The following PTH2R variants were observed in gnomAD, a reference collection of about 807,000 sequenced individuals.
The protein encoded by PTH2R is parathyroid hormone 2 receptor, also known as PTH2 receptor.
In PTH2R, 59 loss-of-function variants were observed where a neutral mutation model predicts 60.3. That is an observed-to-expected ratio of 0.98 (90% confidence interval 0.79 to 1.22). The LOEUF (loss-of-function observed/expected upper bound fraction) is 1.22. PTH2R is among the 50% of genes most tolerant of loss of function. PTH2R has a pLI of 0.00. For missense variants in PTH2R, 749 were observed against 682.6 expected, an observed-to-expected ratio of 1.10 and a Z score of -1.08; for synonymous variants, 256 against 243.8, an observed-to-expected ratio of 1.05 and a Z score of -0.47.
intron 12 of PTH2R, among the ~76,000 whole-genome samples, chr2:208,492,232 C>G (rs191360005): frequency 5.3e-5 from 8 of 152,176 alleles, no homozygotes; most frequent in Admixed American, 6.5e-5. Context: ...TTTAGGCTGC[C>G]GATGCAGATT....
chr2:208,448,765 T>C (rs892497377), intron 7 of PTH2R, among the ~76,000 whole-genome samples: 1 of 151,692 alleles, frequency 6.6e-6, no homozygotes. Flanking sequence ...TTTGCCTTTA[T>C]TTCTGTGTTC....
At chr2:208,385,632 G>A (rs952884924) in intron 1 of PTH2R, among the ~76,000 whole-genome samples, 3 of 152,168 alleles carry the variant, frequency 2.0e-5, no homozygotes, top group Non-Finnish European at 4.4e-5. Flanking sequence ...CATCTTTTTT[G>A]TAGTGGTCCA....
intron 1 of PTH2R, among the ~76,000 whole-genome samples, chr2:208,408,181 T>A (rs946473069): frequency 8.5e-5 from 13 of 152,224 alleles, no homozygotes; most frequent in Non-Finnish European, 7.3e-5. Context: ...TTTATTTTGT[T>A]AATAAATAAA....
intron 1 of PTH2R, among the ~76,000 whole-genome samples, chr2:208,369,034 G>T (rs572328092): frequency 6.6e-6 from 1 of 151,352 alleles, no homozygotes; most frequent in Non-Finnish European, 1.5e-5. Context: ...TAATATTCCT[G>T]GTTTGTAGGA....
chr2:208,486,280 C>A (rs941279634), intron 10 of PTH2R, among the ~76,000 whole-genome samples: 7 of 152,146 alleles, frequency 4.6e-5, no homozygotes, highest in Admixed American at 6.6e-5. Flanking sequence ...AATAAACAAA[C>A]TTCTATCTCC....
At chr2:208,426,544 G>A (rs1213854070) in intron 1 of PTH2R, among the ~76,000 whole-genome samples, 1 of 152,166 alleles carries the variant, frequency 6.6e-6, no homozygotes, top group Non-Finnish European at 1.5e-5. Flanking sequence ...ATCTCATCCT[G>A]AATTGTAATC....
chr2:208,492,032 G>T (rs1051598839), intron 12 of PTH2R, among the ~76,000 whole-genome samples: 12 of 152,180 alleles, frequency 7.9e-5, no homozygotes, highest in African/African-American at 2.9e-4. Context: ...GTTGTTTCAG[G>T]TGACATCAGC....
chr2:208,477,326 G>C (rs1703027265), intron 9 of PTH2R, among the ~76,000 whole-genome samples: 2 of 152,140 alleles, frequency 1.3e-5, no homozygotes, highest in African/African-American at 4.8e-5. Context: ...TGAGTGGAGA[G>C]AGTAAACGAT....
intron 4 of PTH2R, 70 bp from the exon 5 acceptor site, chr2:208,442,294 C>A (rs906878986): frequency 2.8e-6 from 3 of 1,089,528 alleles, no homozygotes; most frequent in East Asian, 2.4e-5. Context: ...CCAAAAATGA[C>A]ATACTATTTC....
At chr2:208,485,137 G>T (rs563819181) in intron 10 of PTH2R, among the ~76,000 whole-genome samples, 12 of 152,286 alleles carry the variant, frequency 7.9e-5, no homozygotes, top group African/African-American at 2.4e-4. Context: ...ATCAAGAAAG[G>T]CTTAAGAGCA....
At chr2:208,395,060 T>A (rs560920738) in intron 1 of PTH2R, among the ~76,000 whole-genome samples, 89 of 152,034 alleles carry the variant, frequency 5.9e-4, no homozygotes, top group African/African-American at 1.8e-3. Context: ...TTTTATTTTT[T>A]TTTTTGAGAT....
At chr2:208,412,568 A>G (rs1437770139) in intron 1 of PTH2R, among the ~76,000 whole-genome samples, 1 of 152,214 alleles carries the variant, frequency 6.6e-6, no homozygotes, top group South Asian at 2.1e-4. Context: ...TAGAGCTGCC[A>G]TAGAATAGCC....
At chr2:208,433,247 G>A (rs1021375723) in intron 2 of PTH2R, among the ~76,000 whole-genome samples, 4 of 152,282 alleles carry the variant, frequency 2.6e-5, no homozygotes, top group Admixed American at 6.5e-5. Context: ...CTTCGAGATC[G>A]TTATTTGCAT....
At chr2:208,477,927 A>C (rs1294598128) in intron 9 of PTH2R, among the ~76,000 whole-genome samples, 1 of 146,370 alleles carries the variant, frequency 6.8e-6, no homozygotes, top group African/African-American at 2.5e-5. Flanking sequence ...TACTACTAGT[A>C]CTAGCACTAC....
At chr2:208,450,859 T>C (rs762406158) in intron 8 of PTH2R, 50 bp downstream of exon 8, 4 of 1,573,240 alleles carry the variant, frequency 2.5e-6, no homozygotes, top group Non-Finnish European at 3.5e-6. Flanking sequence ...TTCTCAAGAC[T>C]CAGGCTTCCT....
intron 2 of PTH2R, among the ~76,000 whole-genome samples, chr2:208,435,755 G>C (rs1332703478): frequency 6.6e-6 from 1 of 152,230 alleles, no homozygotes; most frequent in African/African-American, 2.4e-5. Flanking sequence ...CCCAGCCCTT[G>C]ATTTTGGCCT....
chr2:208,397,042 A>G (rs1701223063), intron 1 of PTH2R, among the ~76,000 whole-genome samples: 1 of 152,186 alleles, frequency 6.6e-6, no homozygotes, highest in South Asian at 2.1e-4. Flanking sequence ...CATTCTCAGC[A>G]GACTGACCCA....
chr2:208,460,361 A>C (rs1437295140), intron 9 of PTH2R, among the ~76,000 whole-genome samples: 2 of 152,152 alleles, frequency 1.3e-5, no homozygotes, highest in African/African-American at 4.8e-5. Context: ...AATTACTGAG[A>C]GAGAAGAATG....
chr2:208,365,358 GTTTTT>G (rs983493828), intron 1 of PTH2R, among the ~76,000 whole-genome samples: 13 of 151,876 alleles, frequency 8.6e-5, no homozygotes, highest in Middle Eastern at 3.4e-3. Flanking sequence ...ACTTTTGAGT[GTTTTT>G]TTTCTTTTCT....
Sources: gnomAD v4.1 joint callset for allele counts (sites outside exome capture counted in the v4.1 genomes callset) on GRCh38, gnomAD v4.1.1 for gene constraint, MANE v1.5 for transcripts, NCBI Gene and HGNC (gene_info 2026-07-23, HGNC 2026-07-21) for gene names.